DENND1A: variants seen among roughly 807,000 people sequenced by gnomAD.
DENND1A encodes DENN domain-containing protein 1A.
DENND1A carries 51 observed loss-of-function variants against 113.7 expected under a neutral mutation model. The observed-to-expected ratio is 0.45, with a 90% CI of 0.36 to 0.57. The LOEUF is 0.57. Ranked by LOEUF, DENND1A falls within the 20% of genes least tolerant of loss-of-function variation. DENND1A has a pLI of 0.00. For missense variants in DENND1A, 1,258 were observed against 1,395.9 expected, an observed-to-expected ratio of 0.90 and a Z score of 1.57; for synonymous variants, 565 against 570.8, an observed-to-expected ratio of 0.99 and a Z score of 0.14.
At chr9:123,541,082 G>A (rs1178206906) in intron 13 of DENND1A, among the ~76,000 whole-genome samples, 1 of 152,128 alleles carries the variant, frequency 6.6e-6, no homozygotes, top group Non-Finnish European at 1.5e-5. Flanking sequence ...TACTCTCTGT[G>A]TCTTCCTAAG....
chr9:123,487,064 A>G lies in DENND1A; in HGVS notation c.994-29167T>C, dbSNP rs2050939766. ...GGACTCACTTCAAGCTAGAAGGACC[A>G]TAGAGGCCCCCATATTTCTATAGCA... is the stretch of plus-strand genomic sequence containing the variant. On this transcript the variant is annotated intron_variant, in intron 13 of 23. Coordinates refer to ENST00000394215, the MANE Select transcript of DENND1A (RefSeq NM_001352964.2). Among the ~76,000 whole-genome samples, 3 of 152,252 alleles carry G rather than the reference A, an allele frequency of 2.0e-5. 1 individual carries two copies. The highest frequency in any genetic ancestry group is 2.0e-4 in the Admixed American group (3 of 15,290).
intron 22 of DENND1A, among the ~76,000 whole-genome samples, chr9:123,384,224 C>G (rs2042440542): frequency 6.6e-6 from 1 of 152,234 alleles, no homozygotes; most frequent in Non-Finnish European, 1.5e-5. Context: ...GTGAGCCATT[C>G]AGACAAGGTG....
intron 2 of DENND1A, among the ~76,000 whole-genome samples, chr9:123,798,007 T>C (rs1834031544): frequency 6.6e-6 from 1 of 152,192 alleles, no homozygotes; most frequent in South Asian, 2.1e-4. Flanking sequence ...AAATGAAATT[T>C]GTTATTTAAA....
chr9:123,450,043 G>GAA (rs112846577), intron 18 of DENND1A, among the ~76,000 whole-genome samples: 163 of 119,716 alleles, frequency 1.4e-3, no homozygotes, highest in African/African-American at 2.3e-3. Context: ...GATAAAAAAA[G>GAA]AAAAAAAAAA....
chr9:123,411,963 C>A (rs1460086144), intron 19 of DENND1A, 134 bp from the exon 20 acceptor site: 6 of 101,004 alleles, frequency 5.9e-5, no homozygotes, highest in Non-Finnish European at 1.3e-4. Flanking sequence ...TCCTGCCTCG[C>A]CCCCACTGTC....
chr9:123,407,462 TCA>T (rs1442194185), intron 20 of DENND1A, among the ~76,000 whole-genome samples: 4 of 151,546 alleles, frequency 2.6e-5, no homozygotes, highest in Non-Finnish European at 4.4e-5. Context: ...ACACACCCCC[TCA>T]CACACACACG....
chr9:123,757,021 C>T (rs1160833720), intron 5 of DENND1A, among the ~76,000 whole-genome samples: 1 of 152,166 alleles, frequency 6.6e-6, no homozygotes, highest in African/African-American at 2.4e-5. Context: ...CCTTTACTTC[C>T]CCCTCAGGAG....
Position 123,631,877 on chromosome 9 carries a change from A to AG in DENND1A, c.619-1402dup. Among the ~76,000 whole-genome samples, 2 of 151,566 alleles carry AG rather than the reference A, an allele frequency of 1.3e-5. 1 individual carries two copies. The highest frequency in any genetic ancestry group is 4.2e-4 in the South Asian group (2 of 4,768). On this transcript the variant is annotated intron_variant, in intron 9 of 23. Transcript: ENST00000394215. ...ACAAAATTCAATATAGTGAAAAGAA[A>AG]GGGAAAAAAAACAACTTTTGGAGAT...
At chr9:123,886,041 G>A (rs1248392453) in intron 1 of DENND1A, among the ~76,000 whole-genome samples, 1 of 152,164 alleles carries the variant, frequency 6.6e-6, no homozygotes, top group African/African-American at 2.4e-5. Context: ...GCCTCCCAAA[G>A]TTCTGGGATT....
At chr9:123,396,685 C>G (rs1038940325) in intron 21 of DENND1A, among the ~76,000 whole-genome samples, 3 of 152,166 alleles carry the variant, frequency 2.0e-5, no homozygotes, top group African/African-American at 7.2e-5. Context: ...TTCAGAGGAT[C>G]AGACACTCCA....
chr9:123,617,344 C>T (rs1308457486), intron 10 of DENND1A, among the ~76,000 whole-genome samples: 1 of 152,044 alleles, frequency 6.6e-6, no homozygotes, highest in African/African-American at 2.4e-5. Context: ...GAGGTGAGCT[C>T]AGCGTGCACT....
chr9:123,841,926 A>C (rs1841899655), intron 2 of DENND1A, among the ~76,000 whole-genome samples: 1 of 152,186 alleles, frequency 6.6e-6, no homozygotes. Context: ...CCAGAGCTTC[A>C]TTCAGTTTAA....
intron 10 of DENND1A, among the ~76,000 whole-genome samples, chr9:123,623,004 C>A (rs2061030649): frequency 6.6e-6 from 1 of 152,178 alleles, no homozygotes; most frequent in South Asian, 2.1e-4. Context: ...ACCAGCAGCA[C>A]ATGTTTTTAA....
chr9:123,382,584 T>C lies in DENND1A; in HGVS notation c.2061A>G (p.Thr687=). The change falls in exon 24 of 24, where the codon ACA becomes ACG. Residue 687 remains threonine (T), a synonymous_variant. Coordinates refer to ENST00000394215, the MANE Select transcript of DENND1A (RefSeq NM_001352964.2). ...LGGSERSRGV[T]VALKLTHPYN... ...ACGGGTGGGTAAGCTTCAAGGCCAC[T>C]GTCACCCCGCGGCTCCTCTCACTCC... is the stretch of plus-strand genomic sequence containing the variant. The C allele has an allele frequency of 1.9e-6, 3 of 1,614,054 alleles. No homozygotes were observed. Among genetic ancestry groups the C allele is most frequent in the Non-Finnish European group, 2.5e-6 (3 of 1,180,018 alleles).
At chr9:123,415,375 C>T (rs1048808087) in intron 19 of DENND1A, among the ~76,000 whole-genome samples, 4 of 152,056 alleles carry the variant, frequency 2.6e-5, no homozygotes, top group African/African-American at 4.8e-5. Flanking sequence ...GTGGGGTGGC[C>T]GCCAGGAAGA....
intron 12 of DENND1A, among the ~76,000 whole-genome samples, chr9:123,568,939 C>G (rs1037666643): frequency 2.6e-5 from 4 of 152,190 alleles, no homozygotes; most frequent in Non-Finnish European, 5.9e-5. Context: ...AAATTCAATT[C>G]TTGCAAAGAA....
intron 16 of DENND1A, among the ~76,000 whole-genome samples, chr9:123,453,684 A>G (rs1340044596): frequency 2.6e-5 from 4 of 152,208 alleles, no homozygotes; most frequent in African/African-American, 4.8e-5. Flanking sequence ...AAGATACAGT[A>G]ATGTAATTAT....
chr9:123,556,938 G>C (rs2057451102), intron 13 of DENND1A, among the ~76,000 whole-genome samples: 1 of 152,228 alleles, frequency 6.6e-6, no homozygotes, highest in Admixed American at 6.5e-5. Context: ...ACTTCCTGAG[G>C]CAGGCAGGGG....
chr9:123,384,809 G>A (rs988294441), intron 22 of DENND1A, among the ~76,000 whole-genome samples: 3 of 152,114 alleles, frequency 2.0e-5, no homozygotes, highest in Non-Finnish European at 4.4e-5. Flanking sequence ...TTTGCGGGGT[G>A]TGGTGGTGCG....
Sources: gnomAD v4.1 joint callset for allele counts (sites outside exome capture counted in the v4.1 genomes callset) on GRCh38, gnomAD v4.1.1 for gene constraint, MANE v1.5 for transcripts, NCBI Gene and HGNC (gene_info 2026-07-23, HGNC 2026-07-21) for gene names.